Variants in SEC31A observed in about 807,000 individuals in gnomAD.
SEC31A encodes SEC31 homolog A, COPII component.
A neutral mutation model predicts 151.0 loss-of-function variants in SEC31A; 70 were observed. The observed-to-expected ratio is 0.46, with a 90% confidence interval of 0.38 to 0.57. SEC31A has a LOEUF of 0.57. Ranked by LOEUF, SEC31A falls within the 20% of genes least tolerant of loss-of-function variation. The pLI is 0.00. For synonymous variants in SEC31A, 475 were observed against 505.9 expected (o/e 0.94, Z 0.82); for missense variants, 1,330 against 1,471.2 (o/e 0.90, Z 1.57).
At chr4:82,824,016 AATCT>A (rs2148947289) in intron 25 of SEC31A, among the ~76,000 whole-genome samples, 1 of 152,342 alleles carries the variant, frequency 6.6e-6, no homozygotes, top group African/African-American at 2.4e-5. Context: ...AAAAATGACA[AATCT>A]ATCTGCCATA....
intron 7 of SEC31A, 147 bp from the exon 8 acceptor site, chr4:82,870,571 A>C: frequency 1.6e-6 from 1 of 628,802 alleles, no homozygotes; most frequent in Non-Finnish European, 2.7e-6. Context: ...ATTGGCTCAC[A>C]CCTGTAATGC....
At chr4:82,851,300 C>T (rs574235828) in intron 19 of SEC31A, 131 bp downstream of exon 19, 3 of 650,142 alleles carry the variant, frequency 4.6e-6, no homozygotes, top group East Asian at 5.6e-5. Context: ...ATAACATTTA[C>T]CTGCAGTCAG....
intron 11 of SEC31A, among the ~76,000 whole-genome samples, 187 bp from the exon 12 acceptor site, chr4:82,863,579 G>A (rs1390754162): frequency 6.6e-6 from 1 of 151,966 alleles, no homozygotes; most frequent in Admixed American, 6.5e-5. Flanking sequence ...CCCAGCCTCA[G>A]GAGGTCCTGA....
At chr4:82,887,915 G>T (rs1261539636) in intron 1 of SEC31A, among the ~76,000 whole-genome samples, 1 of 151,506 alleles carries the variant, frequency 6.6e-6, no homozygotes, top group Non-Finnish European at 1.5e-5. Flanking sequence ...GCGCAGTGGC[G>T]GGCGCCTGTA....
At chr4:82,883,014 G>A (rs1382777197) in intron 1 of SEC31A, among the ~76,000 whole-genome samples, 1 of 152,158 alleles carries the variant, frequency 6.6e-6, no homozygotes, top group Non-Finnish European at 1.5e-5. Flanking sequence ...CAGCTATTTG[G>A]GAGGCTGAAG....
intron 22 of SEC31A, among the ~76,000 whole-genome samples, chr4:82,838,421 A>G (rs954932496): frequency 1.3e-5 from 2 of 152,164 alleles, no homozygotes; most frequent in African/African-American, 4.8e-5. Context: ...AGAAACGGCA[A>G]TGCACTATCC....
chr4:82,857,128 T>G lies in SEC31A; in HGVS notation c.1705A>C (p.Ile569Leu). 2 of 1,609,906 alleles carry G rather than the reference T, an allele frequency of 1.2e-6. No homozygotes were observed. The highest frequency in any genetic ancestry group is 1.7e-6 in the Non-Finnish European group (2 of 1,179,096). The change falls in exon 16 of 27, where the codon ATT (isoleucine) becomes CTT (leucine). Residue 569 changes from isoleucine (I) to leucine (L), a missense_variant and splice_region_variant. Ile to Leu is a conservative substitution (Grantham distance 5). Coordinates refer to ENST00000395310, the MANE Select transcript of SEC31A (RefSeq NM_001077207.4). ...AAAGCCTGAGTAATTAAACCATCAA[T>G]GTCTGCAACAAGAAAATAATACATC... is the stretch of plus-strand genomic sequence containing the variant. Reference protein sequence around the residue: ...GTFNISVSGDIDGLITQALLT... With the variant: ...GTFNISVSGDLDGLITQALLT...
intron 22 of SEC31A, chr4:82,831,029 C>A: frequency 1.4e-6 from 1 of 700,760 alleles, no homozygotes. Context: ...ACATTCTAAA[C>A]TTTACTCATT....
At chr4:82,876,906 T>C (rs910611651) in intron 4 of SEC31A, among the ~76,000 whole-genome samples, 2 of 152,194 alleles carry the variant, frequency 1.3e-5, no homozygotes, top group Non-Finnish European at 2.9e-5. Flanking sequence ...TTCAATACAA[T>C]TAACAAAGGA....
chr4:82,871,759 A>G, intron 7 of SEC31A, 185 bp downstream of exon 7: 1 of 651,232 alleles, frequency 1.5e-6, no homozygotes, highest in Non-Finnish European at 2.5e-6. Context: ...GAATCGTTTG[A>G]ACCTGGGAGG....
rs377244995 is a variant in SEC31A, at chr4:82,847,005, G to A, written c.2502+1799C>T. On this transcript the variant is annotated intron_variant, in intron 20 of 26. Coordinates refer to ENST00000395310, the MANE Select transcript of SEC31A (RefSeq NM_001077207.4). Reference sequence around the variant, plus strand: ...ACAGGGATTACAGGCGTGAGCCACCGCGCCTGGCCTGCTTACTTCATTGTT... The same window carrying A: ...ACAGGGATTACAGGCGTGAGCCACCACGCCTGGCCTGCTTACTTCATTGTT... Among the ~76,000 whole-genome samples, 12 of 152,294 alleles carry A rather than the reference G, an allele frequency of 7.9e-5. No individual in the cohort carries two copies. The South Asian group carries it at 1.0e-3, about 13-fold the overall frequency.
chr4:82,833,681 A>T (rs1278885169), intron 22 of SEC31A, among the ~76,000 whole-genome samples: 1 of 152,190 alleles, frequency 6.6e-6, no homozygotes, highest in East Asian at 1.9e-4. Context: ...ACTTAGGGTC[A>T]GGACAGGCCT....
At chr4:82,867,418 A>G (rs901604359) in intron 8 of SEC31A, 102 bp from the exon 9 acceptor site, 7 of 924,490 alleles carry the variant, frequency 7.6e-6, no homozygotes, top group African/African-American at 6.7e-5. Flanking sequence ...GTTAAATTGA[A>G]TATTTTTTTG....
At chr4:82,838,557 C>T (rs1432751955) in intron 22 of SEC31A, among the ~76,000 whole-genome samples, 2 of 152,188 alleles carry the variant, frequency 1.3e-5, no homozygotes, top group Non-Finnish European at 2.9e-5. Flanking sequence ...CCTCGCGTAC[C>T]ACTTTGACTG....
At chr4:82,836,103 G>A (rs887700748) in intron 22 of SEC31A, among the ~76,000 whole-genome samples, 6 of 152,048 alleles carry the variant, frequency 3.9e-5, no homozygotes, top group African/African-American at 1.2e-4. Context: ...GGCCGGGCGC[G>A]GTGGCTCATG....
intron 1 of SEC31A, 117 bp from the exon 2 acceptor site, chr4:82,882,057 A>C: frequency 1.3e-6 from 1 of 754,928 alleles, no homozygotes. Context: ...GTAATGCCCA[A>C]CTGCAAATAA....
chr4:82,861,321 C>T (rs1734075440), intron 14 of SEC31A, among the ~76,000 whole-genome samples: 2 of 152,184 alleles, frequency 1.3e-5, no homozygotes, highest in Admixed American at 1.3e-4. Flanking sequence ...CAATGCAATG[C>T]AGTGAGGATG....
intron 23 of SEC31A, 63 bp from the exon 24 acceptor site, chr4:82,827,695 C>A: frequency 6.4e-7 from 1 of 1,552,104 alleles, no homozygotes; most frequent in South Asian, 1.2e-5. Context: ...AACATTTCTT[C>A]AGCTTAAAAT....
intron 3 of SEC31A, 48 bp downstream of exon 3, chr4:82,880,751 A>G (rs1739092181): frequency 3.3e-6 from 5 of 1,507,682 alleles, no homozygotes; most frequent in Non-Finnish European, 4.5e-6. Context: ...GGAATCAAGA[A>G]CAATATATAA....
Sources: allele counts gnomAD v4.1 joint callset (sites outside exome capture counted in the v4.1 genomes callset), GRCh38; gene constraint gnomAD v4.1.1; transcripts MANE v1.5; gene names NCBI Gene and HGNC (gene_info 2026-07-23, HGNC 2026-07-21).